Variants in PKIB observed in about 807,000 individuals in gnomAD.
PKIB encodes PKI-beta.
A neutral mutation model predicts 4.5 loss-of-function variants in PKIB; 2 were observed. The observed-to-expected ratio is 0.44, with a 90% CI of 0.18 to 1.39. The LOEUF is 1.39. Ranked by LOEUF, PKIB falls within the 40% of genes most tolerant of loss-of-function variation. The pLI, the probability that PKIB is intolerant of heterozygous loss-of-function variation, is 0.27. For synonymous variants in PKIB, 38 were observed against 36.0 expected, an observed-to-expected ratio of 1.06 and a Z score of -0.20; for missense variants, 94 against 92.6, an observed-to-expected ratio of 1.02 and a Z score of -0.06.
At chr6:122,620,301 C>T (rs1191418592) in intron 1 of PKIB, among the ~76,000 whole-genome samples, 3 of 152,194 alleles carry the variant, frequency 2.0e-5, no homozygotes, top group African/African-American at 7.2e-5. Context: ...CATCCAATAT[C>T]GTGACCTCTC....
intron 1 of PKIB, among the ~76,000 whole-genome samples, chr6:122,617,558 T>C (rs1582742472): frequency 6.6e-6 from 1 of 152,326 alleles, no homozygotes; most frequent in Non-Finnish European, 1.5e-5. Context: ...TTTTTACTCA[T>C]AGATATTTAT....
intron 1 of PKIB, among the ~76,000 whole-genome samples, chr6:122,624,479 C>G (rs1160470561): frequency 6.6e-6 from 1 of 152,080 alleles, no homozygotes; most frequent in Non-Finnish European, 1.5e-5. Flanking sequence ...ATCCTTAAAA[C>G]TTAAAAGAAA....
Position 122,725,269 on chromosome 6 carries a change from T to A in PKIB, c.*74T>A. On this transcript the variant is annotated 3_prime_UTR_variant, in exon 5 of 5. Coordinates refer to ENST00000368452, the MANE Select transcript of PKIB (RefSeq NM_181795.3). ...TAGTGGTTCTGTTTTCTTGAGACAT[T>A]TAATCTGGTGGTAACTGTGGTAACA... 8.0e-7 allele frequency: 1 copy of A among 1,242,366 alleles called. No individual in the cohort carries two copies. Among genetic ancestry groups the A allele is most frequent in the Non-Finnish European group, 1.2e-6 (1 of 869,482 alleles). The allele number at this position is 1,242,366 out of a possible 1,614,324, so 77.0% of individuals were successfully genotyped here.
At chr6:122,673,133 T>C (rs1407327466) in intron 2 of PKIB, among the ~76,000 whole-genome samples, 2 of 151,308 alleles carry the variant, frequency 1.3e-5, no homozygotes, top group Non-Finnish European at 2.9e-5. Context: ...TTTTTTTATT[T>C]TGGTTGTGTT....
chr6:122,677,891 CT>C (rs1386938275), intron 3 of PKIB, among the ~76,000 whole-genome samples: 22 of 35,378 alleles, frequency 6.2e-4, no homozygotes, highest in African/African-American at 8.3e-4. Context: ...TCCTTCCTTC[CT>C]TTCTTTCTTT....
intron 2 of PKIB, chr6:122,531,000 TGTTATTGTCA>T (rs1777238858): frequency 6.6e-6 from 1 of 152,222 alleles, no homozygotes; most frequent in African/African-American, 2.4e-5. Flanking sequence ...CAGGATATTC[TGTTATTGTCA>T]ACTCAGTGTC....
At chr6:122,676,419 C>G (rs934776935) in intron 3 of PKIB, among the ~76,000 whole-genome samples, 1 of 152,144 alleles carries the variant, frequency 6.6e-6, no homozygotes, top group African/African-American at 2.4e-5. Flanking sequence ...GATTGGTACC[C>G]AGCCCATGGC....
intron 2 of PKIB, among the ~76,000 whole-genome samples, chr6:122,523,906 T>C (rs1055899859): frequency 1.3e-5 from 2 of 152,214 alleles, no homozygotes; most frequent in African/African-American, 2.4e-5. Context: ...TGTGAAACTG[T>C]GAGTCCATTA....
chr6:122,653,302 AG>A (rs1776637691), intron 2 of PKIB, among the ~76,000 whole-genome samples: 1 of 152,118 alleles, frequency 6.6e-6, no homozygotes, highest in African/African-American at 2.4e-5. Flanking sequence ...GCAAGGTGAA[AG>A]GGCTTCCTGG....
At chr6:122,481,961 G>GTTTTTTTTTTTTTTT (rs11381951) in intron 2 of PKIB, 1 of 144,850 alleles carries the variant, frequency 6.9e-6, no homozygotes, top group African/African-American at 2.6e-5. Context: ...GCAAAGGTAA[G>GTTTTTTTTTTTTTTT]TTTTGTTTTT....
At chr6:122,507,506 T>C (rs1776445335) in intron 2 of PKIB, among the ~76,000 whole-genome samples, 1 of 152,138 alleles carries the variant, frequency 6.6e-6, no homozygotes, top group Admixed American at 6.5e-5. Flanking sequence ...TGGGTTTTGT[T>C]GTGTCTTTAG....
At chr6:122,717,566 AT>A (rs1345662947) in intron 3 of PKIB, 2 of 495,918 alleles carry the variant, frequency 4.0e-6, no homozygotes, top group East Asian at 3.1e-5. Context: ...CTCAGGGGTT[AT>A]TTTTAGCAAT....
intron 2 of PKIB, among the ~76,000 whole-genome samples, chr6:122,657,448 G>A (rs1776817056): frequency 6.6e-6 from 1 of 152,150 alleles, no homozygotes. Context: ...TCACAATTAT[G>A]TTAGTGTAAT....
intron 3 of PKIB, among the ~76,000 whole-genome samples, chr6:122,713,791 A>G (rs1236946217): frequency 6.6e-6 from 1 of 152,238 alleles, no homozygotes; most frequent in African/African-American, 2.4e-5. Context: ...GTAAAGAGGT[A>G]GAGAAAAAGG....
chr6:122,528,603 A>T (rs1310375002), intron 2 of PKIB, among the ~76,000 whole-genome samples: 3 of 152,128 alleles, frequency 2.0e-5, no homozygotes, highest in Non-Finnish European at 2.9e-5. Context: ...AAGAACGTTA[A>T]TCTGTGGGCC....
intron 1 of PKIB, among the ~76,000 whole-genome samples, chr6:122,623,261 A>G (rs1775310573): frequency 6.6e-6 from 1 of 152,232 alleles, no homozygotes; most frequent in African/African-American, 2.4e-5. Context: ...AACACAGCAC[A>G]TAAATTACTC....
At position 122,618,463 on chromosome 6, in the gene PKIB, T is replaced by A. The variant is rs186039452; in HGVS notation, c.-161+7928T>A. 1.7e-3 allele frequency among the ~76,000 whole-genome samples: 254 copies of A among 152,214 alleles called. 3 individuals carry two copies. Among genetic ancestry groups the A allele is most frequent in the African/African-American group, 5.6e-3 (233 of 41,574 alleles). On this transcript the variant is annotated intron_variant, in intron 1 of 4. Transcript: ENST00000368452. ...CCAAGTCCTAACCTTTAACATTTTT[T>A]AATAATGTTTTAGAGATAATATACG...
At chr6:122,701,183 G>A in intron 3 of PKIB, 2 of 365,408 alleles carry the variant, frequency 5.5e-6, no homozygotes, top group South Asian at 8.4e-5. Context: ...ACCTTTGCAT[G>A]AACAACAATG....
chr6:122,488,775 T>C (rs1364510994), intron 2 of PKIB, among the ~76,000 whole-genome samples: 2 of 152,204 alleles, frequency 1.3e-5, no homozygotes, highest in Non-Finnish European at 2.9e-5. Context: ...GATTAATTGC[T>C]TCTAGGCTTT....
Sources: gnomAD v4.1 joint callset for allele counts (sites outside exome capture counted in the v4.1 genomes callset) on GRCh38, gnomAD v4.1.1 for gene constraint, MANE v1.5 for transcripts, NCBI Gene and HGNC (gene_info 2026-07-23, HGNC 2026-07-21) for gene names.